KHDRBS3: variants seen among roughly 807,000 people sequenced by gnomAD.
KHDRBS3 encodes KH RNA binding domain containing, signal transduction associated 3, also known as KH domain-containing, RNA-binding, signal transduction-associated protein 3.
Under a neutral mutation model 45.6 loss-of-function variants are expected in KHDRBS3, and 23 were observed. The observed-to-expected ratio is 0.50, with a 90% confidence interval of 0.36 to 0.72. The LOEUF is 0.72. KHDRBS3 is among the 30% of genes least tolerant of loss of function. KHDRBS3 has a pLI of 0.00. For synonymous variants in KHDRBS3, 162 were observed against 156.5 expected, an observed-to-expected ratio of 1.04 and a Z score of -0.26; for missense variants, 352 against 424.8, an observed-to-expected ratio of 0.83 and a Z score of 1.51.
chr8:135,593,679 T>C (rs1369913527), intron 6 of KHDRBS3, among the ~76,000 whole-genome samples: 2 of 152,186 alleles, frequency 1.3e-5, no homozygotes, highest in African/African-American at 4.8e-5. Context: ...GGTCTCACTT[T>C]GTTACCCAGA....
chr8:135,477,699 A>T (rs950558372), intron 1 of KHDRBS3, among the ~76,000 whole-genome samples: 7 of 152,196 alleles, frequency 4.6e-5, no homozygotes, highest in South Asian at 2.1e-4. Flanking sequence ...TGCAGAAATG[A>T]TGAAAAATCT....
chr8:135,518,595 T>C (rs191936336), intron 1 of KHDRBS3, among the ~76,000 whole-genome samples: 142 of 152,342 alleles, frequency 9.3e-4, no homozygotes, highest in African/African-American at 3.4e-3. Flanking sequence ...CGTCTAACTA[T>C]GCCAAAGGTA....
intron 5 of KHDRBS3, among the ~76,000 whole-genome samples, chr8:135,561,678 A>G (rs1347095995): frequency 6.6e-6 from 1 of 152,096 alleles, no homozygotes; most frequent in African/African-American, 2.4e-5. Context: ...GCACCACAAA[A>G]TGACATTTTT....
At chr8:135,513,601 GTTC>G (rs896723228) in intron 1 of KHDRBS3, among the ~76,000 whole-genome samples, 12 of 152,192 alleles carry the variant, frequency 7.9e-5, no homozygotes, top group Admixed American at 2.6e-4. Flanking sequence ...TACTGAGAAA[GTTC>G]TTCTTATTAC....
At chr8:135,520,321 T>C (rs1236096952) in intron 1 of KHDRBS3, among the ~76,000 whole-genome samples, 1 of 152,176 alleles carries the variant, frequency 6.6e-6, no homozygotes, top group African/African-American at 2.4e-5. Context: ...CAGTACTCAT[T>C]CATTCAGCAT....
At chr8:135,606,500 C>T (rs949872787) in intron 6 of KHDRBS3, among the ~76,000 whole-genome samples, 7 of 152,046 alleles carry the variant, frequency 4.6e-5, no homozygotes, top group Non-Finnish European at 8.8e-5. Flanking sequence ...CTAGGAATGG[C>T]GTTTTGTCAG....
intron 5 of KHDRBS3, among the ~76,000 whole-genome samples, chr8:135,564,538 GA>G (rs1265750109): frequency 6.6e-6 from 1 of 152,116 alleles, no homozygotes; most frequent in Non-Finnish European, 1.5e-5. Flanking sequence ...CAAATATCAT[GA>G]AAAAATTACT....
At chr8:135,485,413 C>A (rs1319759052) in intron 1 of KHDRBS3, among the ~76,000 whole-genome samples, 2 of 152,094 alleles carry the variant, frequency 1.3e-5, no homozygotes, top group African/African-American at 2.4e-5. Flanking sequence ...TAGAGAAGGA[C>A]ATTTCAGCCA....
rs377201290 is a variant in KHDRBS3, at chr8:135,582,106, A to C, written c.807+33A>C. The C allele has an allele frequency of 1.0e-5, 15 of 1,489,522 alleles. No individual in the cohort carries two copies. In the African/African-American group the frequency reaches 2.1e-4, roughly 21 times the overall value. The allele number at this position is 1,489,522 out of a possible 1,614,324, so 92.3% of individuals were successfully genotyped here. On this transcript the variant is annotated intron_variant, in intron 6 of 8. Transcript: ENST00000355849. The stretch of plus-strand genomic sequence containing the variant: ...AAGGTGTCAGACAACAGCCTTGTTC[A>C]TCAGATTGACTTAATCCAGACTTAG...
intron 5 of KHDRBS3, among the ~76,000 whole-genome samples, chr8:135,566,701 A>T (rs75758332): frequency 0.022 from 3,301 of 152,240 alleles, 82 homozygotes; most frequent in African/African-American, 0.06. Context: ...CAAAAAAAAA[A>T]GTTAAAAATT....
At chr8:135,471,807 G>T (rs1038365799) in intron 1 of KHDRBS3, among the ~76,000 whole-genome samples, 1 of 152,190 alleles carries the variant, frequency 6.6e-6, no homozygotes, top group Non-Finnish European at 1.5e-5. Flanking sequence ...TGTTCTCTTC[G>T]CTCGCTCTCT....
At chr8:135,540,730 G>A (rs1414622295) in intron 2 of KHDRBS3, 1 of 152,210 alleles carries the variant, frequency 6.6e-6, no homozygotes, top group Non-Finnish European at 1.5e-5. Context: ...CAAGTGAAAC[G>A]AAATACAGAT....
chr8:135,632,528 C>T (rs534097542), intron 7 of KHDRBS3, among the ~76,000 whole-genome samples: 61 of 152,238 alleles, frequency 4.0e-4, no homozygotes, highest in Admixed American at 8.5e-4. Context: ...CCCCTAGATT[C>T]TCTTTCCAGC....
At chr8:135,474,980 C>G (rs919645702) in intron 1 of KHDRBS3, among the ~76,000 whole-genome samples, 16 of 152,198 alleles carry the variant, frequency 1.1e-4, no homozygotes, top group Admixed American at 2.6e-4. Context: ...CTTCCTCTGA[C>G]TTCATAGCCA....
At chr8:135,551,539 T>C (rs1197021986) in intron 4 of KHDRBS3, among the ~76,000 whole-genome samples, 2 of 152,292 alleles carry the variant, frequency 1.3e-5, no homozygotes, top group East Asian at 3.9e-4. Flanking sequence ...ATTTTGTGAA[T>C]AATAGTGTAT....
chr8:135,613,100 C>T lies in KHDRBS3; in HGVS notation c.890+6063C>T, dbSNP rs527245925. Among the ~76,000 whole-genome samples, 19 of 151,812 alleles carry T rather than the reference C, an allele frequency of 1.3e-4. 1 individual carries two copies. The highest frequency in any genetic ancestry group is 4.6e-4 in the African/African-American group (19 of 41,146). On this transcript the variant is annotated intron_variant, in intron 7 of 8. Coordinates refer to ENST00000355849, the MANE Select transcript of KHDRBS3 (RefSeq NM_006558.3). ...AAGCCGCAGAGAGAGAACTGGAAAG[C>T]GGCCCCTCATATTCCTACTTTTTAA...
chr8:135,560,963 G>A (rs1827139341), intron 5 of KHDRBS3, among the ~76,000 whole-genome samples: 1 of 152,106 alleles, frequency 6.6e-6, no homozygotes, highest in Non-Finnish European at 1.5e-5. Context: ...ATATTATTAT[G>A]GTCTTCCTTG....
intron 1 of KHDRBS3, among the ~76,000 whole-genome samples, chr8:135,472,702 C>G (rs1170203447): frequency 6.6e-6 from 1 of 152,176 alleles, no homozygotes; most frequent in Non-Finnish European, 1.5e-5. Flanking sequence ...GTGCTCAGCT[C>G]TGTTCTAGAT....
At position 135,457,934 on chromosome 8, in the gene KHDRBS3, C is replaced by T; in HGVS notation, c.68C>T (p.Ala23Val). ...TCCCTGGACCCCTCCTTCACGCACG[C>T]CCTGCGCCTGGTGAACCAAGGTGAG... The part of the protein sequence containing the change: ...KDSLDPSFTH[A>V]LRLVNQEIEK... The change falls in exon 1 of 9, where the codon GCC becomes GTC. Residue 23 changes from alanine to valine, a missense_variant. Ala to Val is a moderately conservative substitution (Grantham distance 64). This residue lies in a region of KHDRBS3 where 58 missense variants were observed against 64.5 expected (regional missense o/e 0.90). Transcript: ENST00000355849. This position sits in a 1 kb window ranked among gnomAD's most constrained non-coding sequence, Gnocchi z 4.4. 1 of 1,600,400 alleles carries T rather than the reference C, an allele frequency of 6.2e-7. No homozygotes were observed. Among genetic ancestry groups the T allele is most frequent in the Non-Finnish European group, 8.5e-7 (1 of 1,174,282 alleles).
Sources: allele counts gnomAD v4.1 joint callset (sites outside exome capture counted in the v4.1 genomes callset), GRCh38; gene constraint gnomAD v4.1.1; regional missense constraint gnomAD v4.1.1; non-coding constraint Gnocchi (gnomAD v3.1); transcripts MANE v1.5; gene names NCBI Gene and HGNC (gene_info 2026-07-23, HGNC 2026-07-21).